PARP4: variants seen among roughly 807,000 people sequenced by gnomAD.
The protein encoded by PARP4 is protein mono-ADP-ribosyltransferase PARP4.
PARP4 carries 120 observed loss-of-function variants against 187.7 expected under a neutral mutation model. That is an observed-to-expected ratio of 0.64 (90% CI 0.55 to 0.74). The LOEUF (loss-of-function observed/expected upper bound fraction) is 0.74, where lower values mean the gene tolerates loss of function less well. PARP4 is among the 30% of genes least tolerant of loss of function. The probability of loss-of-function intolerance (pLI) is 0.00; values close to 1 mark genes in which losing one functional copy is unlikely to be tolerated. For synonymous variants in PARP4, 654 were observed against 740.9 expected, an observed-to-expected ratio of 0.88 and a Z score of 1.90; for missense variants, 1,836 against 2,070.5, an observed-to-expected ratio of 0.89 and a Z score of 2.20.
At chr13:24,496,740 G>A (rs1868979669) in intron 6 of PARP4, among the ~76,000 whole-genome samples, 1 of 152,186 alleles carries the variant, frequency 6.6e-6, no homozygotes, top group African/African-American at 2.4e-5. Context: ...AGACAGAGCT[G>A]TAGGCAGGAC....
At chr13:24,442,979 G>T (rs1009113847) in intron 28 of PARP4, among the ~76,000 whole-genome samples, 8 of 151,788 alleles carry the variant, frequency 5.3e-5, no homozygotes, top group Admixed American at 1.3e-4. Context: ...GGAATGACTT[G>T]TTCAGGATAA....
rs1403442543 is a variant in PARP4 at position 24,429,338 on chromosome 13, T to A, written c.4846+2039A>T. Among the ~76,000 whole-genome samples, 4 of 152,320 alleles carry A rather than the reference T, an allele frequency of 2.6e-5. No homozygotes were observed. In the East Asian group the frequency reaches 7.7e-4, roughly 29 times the overall value. On this transcript the variant is annotated intron_variant, in intron 32 of 33. Transcript: ENST00000381989. ...GTGGGTCAGCATTTATAGCCCATTT[T>A]CCCCTTGATCATGATCATATTGTCC...
chr13:24,472,489 C>A (rs1033912190), intron 15 of PARP4, among the ~76,000 whole-genome samples: 3 of 152,218 alleles, frequency 2.0e-5, no homozygotes, highest in African/African-American at 7.2e-5. Flanking sequence ...TTTTCCTCTA[C>A]AGGGATCAGA....
At chr13:24,456,043 A>G (rs907538645) in intron 21 of PARP4, among the ~76,000 whole-genome samples, 24 of 152,222 alleles carry the variant, frequency 1.6e-4, no homozygotes, top group African/African-American at 5.3e-4. Flanking sequence ...TTTTAAAACT[A>G]TAACAAGTTA....
At chr13:24,484,608 C>A (rs187963468) in intron 12 of PARP4, 45 bp downstream of exon 12, 1 of 1,274,288 alleles carries the variant, frequency 7.8e-7, no homozygotes, top group Admixed American at 1.7e-5. Context: ...AGAAAATACA[C>A]AGCAAGTATT....
intron 10 of PARP4, among the ~76,000 whole-genome samples, chr13:24,486,877 G>A (rs1421326899): frequency 1.3e-5 from 2 of 151,178 alleles, no homozygotes; most frequent in Non-Finnish European, 3.0e-5. Context: ...ACTTGAACCC[G>A]GGGCGGGGGG....
chr13:24,503,594 C>T (rs772869599), intron 2 of PARP4, 51 bp downstream of exon 2: 1 of 1,600,324 alleles, frequency 6.2e-7, no homozygotes, highest in Non-Finnish European at 8.5e-7. Flanking sequence ...GACCCTGTTC[C>T]CTGAATGCGC....
intron 6 of PARP4, 32 bp downstream of exon 6, chr13:24,498,084 A>T: frequency 6.9e-7 from 1 of 1,449,092 alleles, no homozygotes; most frequent in Non-Finnish European, 9.7e-7. Context: ...AGAGGTCAGT[A>T]AACACATAGG....
chr13:24,501,698 T>G lies in PARP4; in HGVS notation c.269A>C (p.Lys90Thr), dbSNP rs953289198. 1 of 1,613,358 alleles carries G rather than the reference T, an allele frequency of 6.2e-7. No individual in the cohort carries two copies. The highest frequency in any genetic ancestry group is 8.5e-7 in the Non-Finnish European group (1 of 1,179,426). ...CAGGGGCTTATAAGGATCATAATTC[T>G]TTACATCCAAGAGTCTCTTTTCCCT... ...SIREKRLLDV[K>T]NYDPYKPLDI... The change falls in exon 3 of 34, where the codon AAG (lysine) becomes ACG (threonine). Residue 90 changes from lysine (K) to threonine (T), a missense_variant. Physicochemically the swap from Lys to Thr is moderately conservative, Grantham distance 78. This residue lies in a region of PARP4 where 1,147 missense variants were observed against 1,214.2 expected (regional missense o/e 0.94). Transcript: ENST00000381989.
intron 10 of PARP4, among the ~76,000 whole-genome samples, chr13:24,489,580 G>C (rs1306117045): frequency 1.3e-5 from 2 of 152,186 alleles, no homozygotes; most frequent in Non-Finnish European, 1.5e-5. Flanking sequence ...CTGCACTCCA[G>C]CCTGGGCGAC....
rs1272101383 is a variant in PARP4, at chr13:24,470,009, G to A, written c.1931C>T (p.Thr644Ile). 1 of 1,613,168 alleles carries A rather than the reference G, an allele frequency of 6.2e-7. No homozygotes were observed. The highest frequency in any genetic ancestry group is 1.7e-5 in the Admixed American group (1 of 59,882). ...DTVAQVIVFQ[T>I]YTNKSHVPIE... ...GGGCACGTGACTTTTATTTGTGTAT[G>A]TCTGAAAAACAATGACCTGAAGAAG... The change falls in exon 16 of 34, where the codon ACA becomes ATA. Residue 644 changes from threonine to isoleucine, a missense_variant. By Grantham distance (89) the Thr-to-Ile change is moderately conservative (BLOSUM62 -1). Transcript: ENST00000381989.
chr13:24,462,639 T>C (rs1872263637), intron 17 of PARP4, among the ~76,000 whole-genome samples: 3 of 152,318 alleles, frequency 2.0e-5, no homozygotes, highest in South Asian at 2.1e-4. Context: ...ATGATTAATA[T>C]ATGAAAAGAC....
At chr13:24,502,031 T>C (rs1293789329) in intron 2 of PARP4, among the ~76,000 whole-genome samples, 197 bp from the exon 3 acceptor site, 2 of 152,226 alleles carry the variant, frequency 1.3e-5, no homozygotes, top group Non-Finnish European at 2.9e-5. Context: ...TTAAAGGATA[T>C]GGCTACGAAT....
chr13:24,469,444 C>G (rs1298229381), intron 16 of PARP4, among the ~76,000 whole-genome samples: 3 of 152,124 alleles, frequency 2.0e-5, no homozygotes, highest in African/African-American at 4.8e-5. Flanking sequence ...TAACTGTGGA[C>G]TAATCCTTAC....
chr13:24,511,743 G>A (rs1870030554), intron 1 of PARP4, among the ~76,000 whole-genome samples: 1 of 152,120 alleles, frequency 6.6e-6, no homozygotes, highest in African/African-American at 2.4e-5. Context: ...ATATACAGTG[G>A]GCATTCAATA....
intron 11 of PARP4, among the ~76,000 whole-genome samples, chr13:24,484,981 G>C (rs1319781784): frequency 6.6e-6 from 1 of 152,120 alleles, no homozygotes; most frequent in East Asian, 1.9e-4. Context: ...AATAGCTTTT[G>C]GGTTTTGGTC....
At chr13:24,488,183 G>A (rs868576870) in intron 10 of PARP4, among the ~76,000 whole-genome samples, 10 of 152,188 alleles carry the variant, frequency 6.6e-5, no homozygotes, top group Admixed American at 2.0e-4. Flanking sequence ...TGCCACTCCC[G>A]GGGCTTGACG....
At chr13:24,503,511 G>T in intron 2 of PARP4, 134 bp downstream of exon 2, 2 of 1,061,022 alleles carry the variant, frequency 1.9e-6, no homozygotes, top group South Asian at 1.5e-5. Context: ...GGCCATGTCA[G>T]TCTCTCCTGA....
chr13:24,499,950 GTTA>G (rs1869179928), intron 4 of PARP4, among the ~76,000 whole-genome samples: 1 of 151,794 alleles, frequency 6.6e-6, no homozygotes, highest in South Asian at 2.1e-4. Context: ...GAAGGCTGTT[GTTA>G]TTTCCATTTT....
Sources: allele counts gnomAD v4.1 joint callset (sites outside exome capture counted in the v4.1 genomes callset), GRCh38; gene constraint gnomAD v4.1.1; regional missense constraint gnomAD v4.1.1; transcripts MANE v1.5; gene names NCBI Gene and HGNC (gene_info 2026-07-23, HGNC 2026-07-21).